Variants in RABGAP1L observed in about 807,000 individuals in gnomAD.
RABGAP1L encodes RAB GTPase activating protein 1 like, also known as rab GTPase-activating protein 1-like.
RABGAP1L carries 63 observed loss-of-function variants against 137.7 expected under a neutral mutation model. That is an observed-to-expected ratio of 0.46 (90% CI 0.37 to 0.56). RABGAP1L has a LOEUF of 0.56. RABGAP1L is among the 20% of genes least tolerant of loss of function. The probability of loss-of-function intolerance (pLI) is 0.00; values close to 1 mark genes in which losing one functional copy is unlikely to be tolerated. For missense variants in RABGAP1L, 1,095 were observed against 1,244.0 expected, an observed-to-expected ratio of 0.88 and a Z score of 1.80; for synonymous variants, 431 against 433.7, an observed-to-expected ratio of 0.99 and a Z score of 0.08.
chr1:174,418,757 G>A (rs1650903589), intron 13 of RABGAP1L, among the ~76,000 whole-genome samples: 1 of 152,114 alleles, frequency 6.6e-6, no homozygotes, highest in Non-Finnish European at 1.5e-5. Flanking sequence ...TTAGAATACA[G>A]TCTGGGTGCG....
At chr1:174,567,348 A>C (rs1667654148) in intron 13 of RABGAP1L, among the ~76,000 whole-genome samples, 1 of 152,096 alleles carries the variant, frequency 6.6e-6, no homozygotes, top group South Asian at 2.1e-4. Context: ...CATATGTCAA[A>C]ATTTAATTTC....
chr1:174,577,676 G>A (rs1021071911), intron 13 of RABGAP1L, among the ~76,000 whole-genome samples: 1 of 152,148 alleles, frequency 6.6e-6, no homozygotes, highest in Non-Finnish European at 1.5e-5. Flanking sequence ...CATTAAACCT[G>A]AGCGTAATCT....
At chr1:174,349,419 A>C (rs1266590545) in intron 11 of RABGAP1L, among the ~76,000 whole-genome samples, 3 of 100,528 alleles carry the variant, frequency 3.0e-5, no homozygotes, top group African/African-American at 3.8e-5. Flanking sequence ...TGACCCCCCC[A>C]CCTCCCTCCC....
At chr1:174,926,031 T>C (rs1662789320) in intron 19 of RABGAP1L, among the ~76,000 whole-genome samples, 3 of 151,994 alleles carry the variant, frequency 2.0e-5, no homozygotes, top group Admixed American at 2.0e-4. Context: ...ACCCTGCCTA[T>C]TTTTCTCATT....
chr1:174,716,444 G>T (rs1326791761), intron 17 of RABGAP1L, among the ~76,000 whole-genome samples: 4 of 152,116 alleles, frequency 2.6e-5, no homozygotes, highest in Non-Finnish European at 4.4e-5. Flanking sequence ...ACTGTACCCA[G>T]CTGTTTGGCA....
In RABGAP1L at chr1:174,427,135, C is replaced by T. The variant is rs185845291; in HGVS notation, c.1710+32990C>T. ...GAAACCTCTGTTTAACATAAACCTC[C>T]GCATGTTTATGTGTGTGTGTGTGTG... On this transcript the variant is annotated intron_variant, in intron 13 of 25. Coordinates refer to ENST00000681986, the MANE Select transcript of RABGAP1L (RefSeq NM_001366446.1). Among the ~76,000 whole-genome samples the T allele has an allele frequency of 2.2e-3, 292 of 133,770 alleles. 2 individuals carry two copies. Among genetic ancestry groups the T allele is most frequent in the African/African-American group, 8.0e-3 (275 of 34,348 alleles). 87.8% of individuals were successfully genotyped at this position (133,770 alleles called of 152,430 possible).
chr1:174,838,321 A>G (rs1160100043), intron 19 of RABGAP1L, among the ~76,000 whole-genome samples: 1 of 152,190 alleles, frequency 6.6e-6, no homozygotes, highest in African/African-American at 2.4e-5. Context: ...CTGTATACCC[A>G]GAGTCCTTTC....
intron 13 of RABGAP1L, among the ~76,000 whole-genome samples, chr1:174,511,138 C>T (rs752379161): frequency 6.6e-6 from 1 of 152,162 alleles, no homozygotes; most frequent in Non-Finnish European, 1.5e-5. Context: ...CCTTTAAAAG[C>T]CAACTACATA....
chr1:174,416,035 T>C (rs12058021), intron 13 of RABGAP1L, among the ~76,000 whole-genome samples: 15 of 83,796 alleles, frequency 1.8e-4, no homozygotes, highest in East Asian at 1.1e-3. Flanking sequence ...TATATATATA[T>C]ACACACACAT....
At chr1:174,727,179 A>T (rs996467656) in intron 17 of RABGAP1L, among the ~76,000 whole-genome samples, 1 of 152,228 alleles carries the variant, frequency 6.6e-6, no homozygotes, top group African/African-American at 2.4e-5. Context: ...TGTCATATGC[A>T]TAGCACAATC....
chr1:174,761,414 G>A lies in RABGAP1L; in HGVS notation c.2211+9060G>A, dbSNP rs928805173. Among the ~76,000 whole-genome samples the A allele has an allele frequency of 5.3e-5, 8 of 151,266 alleles. No homozygotes were observed. The highest frequency in any genetic ancestry group is 4.2e-4 in the South Asian group (2 of 4,760). On this transcript the variant is annotated intron_variant, in intron 18 of 25. Coordinates refer to ENST00000681986, the MANE Select transcript of RABGAP1L (RefSeq NM_001366446.1). The surrounding 1 kb of genome is among the most constrained non-coding windows in gnomAD (Gnocchi z 4.0). ...CTCCTCACTTCCCAGAGGGTGGCAC[G>A]GCCAGGCAGAGGCGCTCCTCAGTTT...
chr1:174,304,457 A>G (rs1678010063), intron 10 of RABGAP1L, among the ~76,000 whole-genome samples: 1 of 151,998 alleles, frequency 6.6e-6, no homozygotes, highest in South Asian at 2.1e-4. Context: ...AAATCCATAT[A>G]TATTTATATA....
At chr1:174,806,982 C>T (rs1689367105) in intron 18 of RABGAP1L, among the ~76,000 whole-genome samples, 1 of 152,158 alleles carries the variant, frequency 6.6e-6, no homozygotes, top group African/African-American at 2.4e-5. Flanking sequence ...TACAGGGTTT[C>T]ACCATGTTGA....
chr1:174,505,996 A>G (rs750748135), intron 13 of RABGAP1L, among the ~76,000 whole-genome samples: 14 of 152,240 alleles, frequency 9.2e-5, no homozygotes, highest in Non-Finnish European at 1.8e-4. Context: ...ATACATAAAC[A>G]TGAATGAACC....
intron 19 of RABGAP1L, among the ~76,000 whole-genome samples, chr1:174,840,016 C>T (rs773203295): frequency 7.9e-5 from 12 of 152,188 alleles, no homozygotes; most frequent in Middle Eastern, 6.8e-3. Flanking sequence ...TGTTGGTCAT[C>T]AGAACTAAGG....
At chr1:174,642,781 CCTCTCCTCTT>C (rs1190157651) in intron 14 of RABGAP1L, among the ~76,000 whole-genome samples, 3 of 136,242 alleles carry the variant, frequency 2.2e-5, no homozygotes, top group Non-Finnish European at 3.1e-5. Flanking sequence ...CTCCCCCTCT[CCTCTCCTCTT>C]CTCTCCTCTT....
intron 11 of RABGAP1L, among the ~76,000 whole-genome samples, chr1:174,368,236 A>C (rs546385068): frequency 6.6e-6 from 1 of 152,300 alleles, no homozygotes; most frequent in Admixed American, 6.5e-5. Context: ...ATATACCATA[A>C]TTTAGTTAGT....
At chr1:174,282,049 C>T (rs977571868) in intron 10 of RABGAP1L, among the ~76,000 whole-genome samples, 4 of 152,112 alleles carry the variant, frequency 2.6e-5, no homozygotes, top group African/African-American at 9.7e-5. Flanking sequence ...TATAGCTGTA[C>T]CATAATTTAT....
chr1:174,175,289 A>G (rs1210087559), intron 1 of RABGAP1L, among the ~76,000 whole-genome samples: 2 of 152,156 alleles, frequency 1.3e-5, no homozygotes, highest in Non-Finnish European at 2.9e-5. Flanking sequence ...AGCATGAACC[A>G]TGTCGTCTTT....
Sources: gnomAD v4.1 joint callset for allele counts (sites outside exome capture counted in the v4.1 genomes callset) on GRCh38, gnomAD v4.1.1 for gene constraint, Gnocchi (gnomAD v3.1) non-coding constraint, MANE v1.5 for transcripts, NCBI Gene and HGNC (gene_info 2026-07-23, HGNC 2026-07-21) for gene names.